The following IRAG1 variants were observed in gnomAD, a reference collection of about 807,000 sequenced individuals.
IRAG1 encodes the protein IP3R-associated cGMP kinase substrate.
A neutral mutation model predicts 106.2 loss-of-function variants in IRAG1; 62 were observed. The ratio of observed to expected loss-of-function variants is 0.58; its 90% CI spans 0.48 to 0.72. The LOEUF (loss-of-function observed/expected upper bound fraction) is 0.72. Among genes scored for constraint, IRAG1 ranks in the 30% least tolerant of loss-of-function variants. The pLI is 0.00. For synonymous variants in IRAG1, 462 were observed against 443.9 expected (o/e 1.04, Z -0.51); for missense variants, 1,064 against 1,140.7 (o/e 0.93, Z 0.97).
intron 11 of IRAG1, among the ~76,000 whole-genome samples, chr11:10,607,918 G>A (rs11042894): frequency 2.0e-5 from 3 of 151,954 alleles, no homozygotes; most frequent in Non-Finnish European, 2.9e-5. Context: ...TCAGGCCCTT[G>A]CCTTAACTGT....
At chr11:10,673,022 C>T (rs1782459644) in intron 1 of IRAG1, among the ~76,000 whole-genome samples, 1 of 152,164 alleles carries the variant, frequency 6.6e-6, no homozygotes, top group Admixed American at 6.5e-5. Flanking sequence ...GTGGCTCACA[C>T]TTGTAATCCC....
intron 1 of IRAG1, among the ~76,000 whole-genome samples, chr11:10,671,381 T>C (rs1860208493): frequency 6.6e-6 from 1 of 152,162 alleles, no homozygotes; most frequent in African/African-American, 2.4e-5. Flanking sequence ...AGCAATTCTA[T>C]TCACAATAGC....
At chr11:10,586,175 G>A (rs921553637) in intron 18 of IRAG1, 1 of 152,136 alleles carries the variant, frequency 6.6e-6, no homozygotes, top group Non-Finnish European at 1.5e-5. Context: ...TGTGGAGGGT[G>A]GGTAGGGGGG....
chr11:10,677,020 C>A (rs1236424663), intron 1 of IRAG1, among the ~76,000 whole-genome samples: 1 of 152,232 alleles, frequency 6.6e-6, no homozygotes, highest in African/African-American at 2.4e-5. Flanking sequence ...TGACTCCCCA[C>A]TGCCTGGAGA....
chr11:10,680,142 G>A (rs186733928), intron 1 of IRAG1, among the ~76,000 whole-genome samples: 30 of 151,564 alleles, frequency 2.0e-4, no homozygotes, highest in Admixed American at 1.1e-3. Context: ...GCATGGTGGC[G>A]CATGCCTGTA....
intron 20 of IRAG1, among the ~76,000 whole-genome samples, chr11:10,577,740 A>C (rs1209871919): frequency 6.6e-6 from 1 of 152,186 alleles, no homozygotes; most frequent in East Asian, 1.9e-4. Flanking sequence ...CCCTCCTTAG[A>C]AAGGGACCAG....
At position 10,634,038 on chromosome 11, in the gene IRAG1, T is replaced by G. The variant is rs558849015; in HGVS notation, c.259A>C (p.Thr87Pro). The G allele has an allele frequency of 2.5e-6, 4 of 1,611,600 alleles. No homozygotes were observed. In the East Asian group the frequency reaches 6.7e-5, roughly 27 times the overall value. The change falls in exon 3 of 21, where the codon ACT becomes CCT. Residue 87 changes from threonine to proline, a missense_variant. Coordinates refer to ENST00000423302, the MANE Select transcript of IRAG1 (RefSeq NM_130385.4). ...TCCCCAGTCAGGACAATCGTGGGAG[T>G]TGGACTGCAAGATACTCCTGCGGCA... ...PPAAGVSCSP[T>P]PTIVLTGDAT...
At chr11:10,678,425 G>C (rs1415200353) in intron 1 of IRAG1, among the ~76,000 whole-genome samples, 11 of 152,092 alleles carry the variant, frequency 7.2e-5, no homozygotes, top group African/African-American at 2.7e-4. Context: ...CTTTGTCTAA[G>C]CTATTTCAGA....
chr11:10,606,970 G>T (rs1447818046), intron 11 of IRAG1, among the ~76,000 whole-genome samples, 198 bp from the exon 12 acceptor site: 1 of 152,142 alleles, frequency 6.6e-6, no homozygotes, highest in Admixed American at 6.5e-5. Context: ...GACTATCTCT[G>T]TGACTTTGGA....
At chr11:10,666,816 C>G (rs143858615) in intron 1 of IRAG1, among the ~76,000 whole-genome samples, 49 of 152,320 alleles carry the variant, frequency 3.2e-4, no homozygotes, top group South Asian at 1.7e-3. Flanking sequence ...TGTGAGTGGG[C>G]AGGCAGGTGA....
chr11:10,652,430 C>A (rs988417931), intron 1 of IRAG1: 15 of 978,746 alleles, frequency 1.5e-5, no homozygotes, highest in Non-Finnish European at 2.1e-5. Flanking sequence ...ACAGCTATCC[C>A]AGAAGGGAGA....
At chr11:10,669,853 C>G (rs1009488750) in intron 1 of IRAG1, among the ~76,000 whole-genome samples, 1 of 152,138 alleles carries the variant, frequency 6.6e-6, no homozygotes, top group Non-Finnish European at 1.5e-5. Flanking sequence ...TATTGATTTC[C>G]CAGCAGGTGA....
chr11:10,581,870 T>C lies in IRAG1; in HGVS notation c.2357A>G (p.Lys786Arg). Residue 786 changes from lysine (K) to arginine (R), a missense_variant, in exon 19 of 21, where the codon AAG becomes AGG. Transcript: ENST00000423302. ...GGGTGGCTGAGGTCTGACTCACCCC[T>C]TGCTGTAGGCTTCTTCCTCCATCCT... ...KARMEEEAYS[K>R]GFQEGLKKTK... 1.2e-6 allele frequency: 2 copies of C among 1,613,692 alleles called. No homozygotes were observed. The highest frequency in any genetic ancestry group is 1.7e-6 in the Non-Finnish European group (2 of 1,179,676).
intron 1 of IRAG1, among the ~76,000 whole-genome samples, chr11:10,691,867 T>G (rs541696805): frequency 1.4e-4 from 21 of 152,242 alleles, no homozygotes; most frequent in South Asian, 1.0e-3. Flanking sequence ...GGCCTGGGGC[T>G]GAGCATCAGC....
rs185354660 is a variant in IRAG1 at position 10,661,130 on chromosome 11, C to T, written c.68-8948G>A. Among the ~76,000 whole-genome samples the T allele has an allele frequency of 1.2e-4, 18 of 152,116 alleles. No homozygotes were observed. In the East Asian group the frequency reaches 3.1e-3, roughly 26 times the overall value. On this transcript the variant is annotated intron_variant, in intron 1 of 20. Coordinates refer to ENST00000423302, the MANE Select transcript of IRAG1 (RefSeq NM_130385.4). ...TGAGTCAAGCTCCTAGCCCCTCTCT[C>T]GAGGCTGATCCCCTCTTTCAACCTT...
At chr11:10,592,523 G>A (rs1437077163) in intron 17 of IRAG1, among the ~76,000 whole-genome samples, 1 of 152,150 alleles carries the variant, frequency 6.6e-6, no homozygotes, top group African/African-American at 2.4e-5. Flanking sequence ...ATTACATAGA[G>A]CTTGAATTTC....
At chr11:10,610,809 T>C (rs772345581) in intron 10 of IRAG1, among the ~76,000 whole-genome samples, 9 of 152,364 alleles carry the variant, frequency 5.9e-5, no homozygotes, top group African/African-American at 1.4e-4. Flanking sequence ...AGCAAAACTC[T>C]CAACCTCTTT....
In IRAG1 at chr11:10,615,967, A is replaced by G. The variant is rs181165123; in HGVS notation, c.1448-6116T>C. Among the ~76,000 whole-genome samples, 902 of 115,694 alleles carry G rather than the reference A, an allele frequency of 7.8e-3. 3 individuals carry two copies. The highest frequency in any genetic ancestry group is 0.015 in the Admixed American group (154 of 10,470). The allele number at this position is 115,694 out of a possible 152,430, so 75.9% of individuals were successfully genotyped here. A position where few individuals can be genotyped will look rare whatever the true frequency, so the allele number is the denominator to read the frequency against. The stretch of plus-strand genomic sequence containing the variant: ...AAGTATATTACTAAGTGAAAAAAGC[A>G]AGGTTTGGAACACCTTGTATAATAT... On this transcript the variant is annotated intron_variant, in intron 10 of 20. Transcript: ENST00000423302.
chr11:10,651,469 T>G (rs1858499208), intron 2 of IRAG1, among the ~76,000 whole-genome samples: 1 of 152,250 alleles, frequency 6.6e-6, no homozygotes, highest in African/African-American at 2.4e-5. Flanking sequence ...AATTAGCACA[T>G]AACCTATATT....
Sources: gnomAD v4.1 joint callset for allele counts (sites outside exome capture counted in the v4.1 genomes callset) on GRCh38, gnomAD v4.1.1 for gene constraint, MANE v1.5 for transcripts, NCBI Gene and HGNC (gene_info 2026-07-23, HGNC 2026-07-21) for gene names.